NAV2: variants seen among roughly 807,000 people sequenced by gnomAD.
The protein encoded by NAV2 is neuron navigator 2, also known as helicase, APC down-regulated 1.
A neutral mutation model predicts 223.2 loss-of-function variants in NAV2; 54 were observed. The ratio of observed to expected loss-of-function variants is 0.24; its 90% CI spans 0.19 to 0.30. The LOEUF is 0.30. Ranked by LOEUF, NAV2 falls within the 10% of genes least tolerant of loss-of-function variation. NAV2 has a pLI of 1.00. For synonymous variants in NAV2, 1,279 were observed against 1,239.3 expected (o/e 1.03, Z -0.67); for missense variants, 2,806 against 3,147.5 (o/e 0.89, Z 2.60).
intron 11 of NAV2, among the ~76,000 whole-genome samples, chr11:20,000,768 T>C (rs1469641396): frequency 6.6e-6 from 1 of 152,152 alleles, no homozygotes; most frequent in African/African-American, 2.4e-5. Flanking sequence ...GCTCTGAGAC[T>C]TCAGGTTTGA....
intron 1 of NAV2, among the ~76,000 whole-genome samples, chr11:19,550,093 T>C (rs1326731496): frequency 6.6e-6 from 1 of 152,178 alleles, no homozygotes; most frequent in Non-Finnish European, 1.5e-5. Flanking sequence ...CCCTGGACTT[T>C]TTATTGCCTG....
chr11:19,950,815 C>G (rs2047332530), intron 10 of NAV2, among the ~76,000 whole-genome samples: 1 of 152,158 alleles, frequency 6.6e-6, no homozygotes, highest in Non-Finnish European at 1.5e-5. Context: ...AATGAATACC[C>G]AAAGATATAG....
chr11:20,101,319 A>G, intron 32 of NAV2, 147 bp downstream of exon 32: 1 of 643,450 alleles, frequency 1.6e-6, no homozygotes. Flanking sequence ...AGAGGGGGCT[A>G]GCAGAAAAGA....
chr11:20,105,414 A>T, intron 34 of NAV2, 117 bp from the exon 35 acceptor site: 2 of 788,622 alleles, frequency 2.5e-6, no homozygotes, highest in Non-Finnish European at 4.2e-6. Context: ...TGCATAGCTA[A>T]TCCAATTTGT....
chr11:20,104,302 G>C (rs1277272625), intron 34 of NAV2: 2 of 154,734 alleles, frequency 1.3e-5, no homozygotes, highest in African/African-American at 4.8e-5. Context: ...ATTGCTGCCT[G>C]ATTGACATCA....
At chr11:20,049,947 C>T (rs200529994) in intron 16 of NAV2, 46 bp downstream of exon 16, 65 of 1,583,672 alleles carry the variant, frequency 4.1e-5, no homozygotes, top group Non-Finnish European at 5.2e-5. Flanking sequence ...CTAGGTTCTT[C>T]TGCCCATTCG....
chr11:19,936,349 G>A (rs1322637789), intron 7 of NAV2, among the ~76,000 whole-genome samples: 1 of 151,590 alleles, frequency 6.6e-6, no homozygotes, highest in Non-Finnish European at 1.5e-5. Context: ...TTCTTTTTTT[G>A]TTGTTCGCTA....
At chr11:19,888,767 C>A (rs1041699185) in intron 5 of NAV2, among the ~76,000 whole-genome samples, 1 of 152,136 alleles carries the variant, frequency 6.6e-6, no homozygotes, top group Non-Finnish European at 1.5e-5. Context: ...ACAGGCTTTG[C>A]TTCAGAGTGG....
At chr11:19,938,032 G>A (rs536806911) in intron 7 of NAV2, among the ~76,000 whole-genome samples, 2 of 152,368 alleles carry the variant, frequency 1.3e-5, no homozygotes, top group South Asian at 2.1e-4. Flanking sequence ...CCTTTAGGCA[G>A]AGAGGTTGTA....
chr11:19,420,331 G>T (rs866830269), intron 1 of NAV2, among the ~76,000 whole-genome samples: 2 of 152,216 alleles, frequency 1.3e-5, no homozygotes, highest in African/African-American at 4.8e-5. Flanking sequence ...CACACTGTTG[G>T]TGGGAGTGAA....
intron 3 of NAV2, among the ~76,000 whole-genome samples, chr11:19,860,092 G>T (rs1307932991): frequency 1.7e-5 from 2 of 119,208 alleles, no homozygotes; most frequent in African/African-American, 3.3e-5. Context: ...GGGCAGAGGG[G>T]CTCCTCACTT....
chr11:19,641,951 T>G (rs1486542238), intron 1 of NAV2, among the ~76,000 whole-genome samples: 1 of 152,220 alleles, frequency 6.6e-6, no homozygotes, highest in Non-Finnish European at 1.5e-5. Flanking sequence ...TCAAGCTTCC[T>G]AAGGGCAGAG....
intron 1 of NAV2, among the ~76,000 whole-genome samples, chr11:19,358,282 G>T (rs1348120941): frequency 6.6e-6 from 1 of 152,186 alleles, no homozygotes; most frequent in African/African-American, 2.4e-5. Flanking sequence ...TTGCAGCCTT[G>T]CATCTGCATT....
intron 1 of NAV2, among the ~76,000 whole-genome samples, chr11:19,822,961 G>A (rs548373163): frequency 6.6e-6 from 1 of 152,246 alleles, no homozygotes; most frequent in Admixed American, 6.5e-5. Context: ...CAGCTCAAAG[G>A]CGTGTCACAA....
At chr11:19,989,756 C>T (rs1251039106) in intron 11 of NAV2, among the ~76,000 whole-genome samples, 1 of 152,206 alleles carries the variant, frequency 6.6e-6, no homozygotes, top group Non-Finnish European at 1.5e-5. Flanking sequence ...AGATTTGAAG[C>T]AGTGGTGCTC....
chr11:19,766,270 A>G (rs2055214597), intron 1 of NAV2, among the ~76,000 whole-genome samples: 1 of 152,066 alleles, frequency 6.6e-6, no homozygotes, highest in Admixed American at 6.6e-5. Context: ...GAATCGGATG[A>G]AGGTGCCAAG....
chr11:19,484,706 G>C (rs1056579543), intron 1 of NAV2, among the ~76,000 whole-genome samples: 1 of 152,168 alleles, frequency 6.6e-6, no homozygotes, highest in Non-Finnish European at 1.5e-5. Flanking sequence ...TGAGCCCCCA[G>C]CTCTCCACCC....
At chr11:20,079,095 C>A (rs1565006987) in intron 24 of NAV2, among the ~76,000 whole-genome samples, 1 of 152,134 alleles carries the variant, frequency 6.6e-6, no homozygotes, top group African/African-American at 2.4e-5. Context: ...GGCTGGAGTG[C>A]ACTGGCATGA....
intron 11 of NAV2, among the ~76,000 whole-genome samples, chr11:19,991,696 G>T (rs58104968): frequency 0.051 from 7,791 of 152,118 alleles, 622 homozygotes; most frequent in African/African-American, 0.18. Flanking sequence ...AACACAACCC[G>T]TGTTTCATCC....
Sources: allele counts gnomAD v4.1 joint callset (sites outside exome capture counted in the v4.1 genomes callset), GRCh38; gene constraint gnomAD v4.1.1; transcripts MANE v1.5; gene names NCBI Gene and HGNC (gene_info 2026-07-23, HGNC 2026-07-21).